RUBCN: variants seen among roughly 807,000 people sequenced by gnomAD.
RUBCN encodes rubicon autophagy regulator, also known as run domain Beclin-1-interacting and cysteine-rich domain-containing protein.
In RUBCN, 74 loss-of-function variants were observed where a neutral mutation model predicts 113.2. The ratio of observed to expected loss-of-function variants is 0.65; its 90% confidence interval spans 0.54 to 0.79. The LOEUF (loss-of-function observed/expected upper bound fraction) is 0.79, where lower values mean the gene tolerates loss of function less well. Ranked by LOEUF, RUBCN falls within the 30% of genes least tolerant of loss-of-function variation. The pLI is 0.00. For missense variants in RUBCN, 1,109 were observed against 1,251.7 expected (o/e 0.89, Z 1.72); for synonymous variants, 480 against 490.0 (o/e 0.98, Z 0.27).
At chr3:197,691,183 T>A in intron 11 of RUBCN, 4 of 1,068,146 alleles carry the variant, frequency 3.7e-6, no homozygotes, top group Non-Finnish European at 5.1e-6. Flanking sequence ...GGGCCCTTAG[T>A]ATTCCAGCAG....
At chr3:197,721,930 C>T (rs1726215228) in intron 1 of RUBCN, among the ~76,000 whole-genome samples, 1 of 152,026 alleles carries the variant, frequency 6.6e-6, no homozygotes, top group Non-Finnish European at 1.5e-5. Context: ...AGTTGTATTG[C>T]ACTGTAGTCA....
Position 197,682,571 on chromosome 3 carries a change from C to T in RUBCN, c.2025G>A (p.Gly675=), listed in dbSNP as rs1485006860. 6 of 1,614,022 alleles carry T rather than the reference C, an allele frequency of 3.7e-6. No individual in the cohort carries two copies. The highest frequency in any genetic ancestry group is 5.1e-6 in the Non-Finnish European group (6 of 1,180,028). Residue 675 remains glycine, a synonymous_variant, in exon 14 of 20, where the codon GGG becomes GGA. Coordinates refer to ENST00000296343, the MANE Select transcript of RUBCN (RefSeq NM_014687.4). ...GCAGCTTGTAGATGTCAGCGTGCTG[C>T]CCGTCATCCGGTGAGATGGGCAGTG... ...PDSLPISPDD[G]QHADIYKLRI...
chr3:197,741,393 A>T (rs753838499), upstream of RUBCN, among the ~76,000 whole-genome samples: 2 of 152,238 alleles, frequency 1.3e-5, no homozygotes, highest in Non-Finnish European at 2.9e-5. Context: ...AGGCATATAT[A>T]AAGCTTATAG....
rs747874086 is a variant in RUBCN at position 197,701,773 on chromosome 3, T to C, written c.662A>G (p.Tyr221Cys). 3.2e-5 allele frequency: 51 copies of C among 1,613,962 alleles called. No homozygotes were observed. Among genetic ancestry groups the C allele is most frequent in the Admixed American group, 6.7e-5 (4 of 59,992 alleles). ...PSSTYTPPNS[Y>C]AQHSYFGSFS... The stretch of plus-strand genomic sequence containing the variant: ...GGACCCAAAGTAGGAATGCTGAGCA[T>C]AGCTGTTTGGAGGGGTGTATGTGGA... The change falls in exon 6 of 20, where the codon TAT becomes TGT. Residue 221 changes from tyrosine (Y) to cysteine (C), a missense_variant. Physicochemically the swap from Tyr to Cys is radical, Grantham distance 194. This residue lies in a region of RUBCN where 736 missense variants were observed against 779.6 expected (regional missense o/e 0.94). Transcript: ENST00000296343.
At chr3:197,730,400 A>T (rs1727280536) in intron 1 of RUBCN, among the ~76,000 whole-genome samples, 1 of 152,130 alleles carries the variant, frequency 6.6e-6, no homozygotes, top group African/African-American at 2.4e-5. Flanking sequence ...CTGGGACTGC[A>T]TCTTTCTTGT....
chr3:197,732,744 C>G (rs1727663999), intron 1 of RUBCN, among the ~76,000 whole-genome samples: 1 of 152,188 alleles, frequency 6.6e-6, no homozygotes. Context: ...TAGGGAAGCC[C>G]ATCACCTAAG....
chr3:197,720,397 T>G (rs547354146), intron 1 of RUBCN, among the ~76,000 whole-genome samples: 4 of 152,218 alleles, frequency 2.6e-5, no homozygotes, highest in African/African-American at 9.6e-5. Flanking sequence ...CTTTAGCCAT[T>G]AATCTGTTGA....
chr3:197,679,450 G>A (rs1159722523), intron 16 of RUBCN, among the ~76,000 whole-genome samples: 2 of 146,178 alleles, frequency 1.4e-5, no homozygotes, highest in African/African-American at 2.6e-5. Context: ...ACTGTCCTAC[G>A]CTCTGACAAC....
intron 1 of RUBCN, among the ~76,000 whole-genome samples, chr3:197,722,719 T>C (rs1031321951): frequency 7.9e-5 from 12 of 152,034 alleles, no homozygotes; most frequent in Non-Finnish European, 1.6e-4. Context: ...CATAATGATA[T>C]TGACTCTTTT....
intron 8 of RUBCN, 66 bp from the exon 9 acceptor site, chr3:197,696,047 A>G (rs2108888873): frequency 4.1e-6 from 6 of 1,460,296 alleles, no homozygotes; most frequent in Admixed American, 1.7e-5. Flanking sequence ...TTTTGTCATT[A>G]AAGATGCTCC....
chr3:197,742,862 A>G (rs1198785284), intron 1 of RUBCN, among the ~76,000 whole-genome samples: 1 of 152,268 alleles, frequency 6.6e-6, no homozygotes, highest in Non-Finnish European at 1.5e-5. Flanking sequence ...AGTTTTATGT[A>G]AATGGGTGGA....
rs750021687 is a variant in RUBCN at position 197,683,412 on chromosome 3, A to AGACGT, written c.1870_1874dup (p.Ala626ArgfsTer11). 6.2e-7 allele frequency: 1 copy of AGACGT among 1,614,184 alleles called. No homozygotes were observed. Among genetic ancestry groups the AGACGT allele is most frequent in the South Asian group, 1.1e-5 (1 of 91,082 alleles). Reference sequence around the variant, plus strand: ...GGAGCCCCATGGCCACCGCCTCAGCAGACGTGGAGTGCAGGAAGCAGTGGG... The same window carrying AGACGT: ...GGAGCCCCATGGCCACCGCCTCAGCAGACGTGACGTGGAGTGCAGGAAGCAGTGGG... On this transcript the variant is annotated frameshift_variant, in exon 13 of 20. Transcript: ENST00000296343. LOFTEE classifies it high-confidence loss of function. This position sits in a 1 kb window ranked among gnomAD's most constrained non-coding sequence, Gnocchi z 4.6.
rs747080374 is a variant in RUBCN at position 197,704,650 on chromosome 3, G to A, written c.355C>T (p.Arg119Cys). ...DQSSADGASE[R>C]AVAELWLQHS... Reference sequence around the variant, plus strand: ...TGCAGCCACAGCTCGGCAACAGCACGTTCACTGGCACCATCAGCACTGCTC... The same window carrying A: ...TGCAGCCACAGCTCGGCAACAGCACATTCACTGGCACCATCAGCACTGCTC... The change falls in exon 4 of 20, where the codon CGT becomes TGT. Residue 119 changes from arginine (R) to cysteine (C), a missense_variant. This residue lies in a region of RUBCN where 736 missense variants were observed against 779.6 expected (regional missense o/e 0.94). Coordinates refer to ENST00000296343, the MANE Select transcript of RUBCN (RefSeq NM_014687.4). 1.2e-5 allele frequency: 19 copies of A among 1,614,046 alleles called. No homozygotes were observed. In the East Asian group the frequency reaches 1.8e-4, roughly 15 times the overall value.
chr3:197,677,162 G>C, intron 17 of RUBCN, 124 bp from the exon 18 acceptor site: 2 of 1,065,434 alleles, frequency 1.9e-6, no homozygotes, highest in Non-Finnish European at 2.8e-6. Flanking sequence ...CCAGCCCAAG[G>C]TTCCAGGCCG....
chr3:197,705,709 G>C (rs1381524030), intron 2 of RUBCN, among the ~76,000 whole-genome samples: 4 of 151,084 alleles, frequency 2.6e-5, no homozygotes, highest in Non-Finnish European at 4.4e-5. Context: ...TGACATACAA[G>C]GTATACAGTA....
At chr3:197,743,554 A>C (rs1250225424) in intron 1 of RUBCN, among the ~76,000 whole-genome samples, 1 of 152,244 alleles carries the variant, frequency 6.6e-6, no homozygotes, top group Non-Finnish European at 1.5e-5. Flanking sequence ...AGCTACAGCA[A>C]AGTGGCAAAG....
intron 1 of RUBCN, chr3:197,748,285 G>A (rs1358743482): frequency 6.6e-6 from 1 of 152,084 alleles, no homozygotes; most frequent in Non-Finnish European, 1.5e-5. Context: ...CAGGGTGAGA[G>A]AGTAGTAAAA....
chr3:197,729,460 G>A (rs1017738407), intron 1 of RUBCN, among the ~76,000 whole-genome samples: 18 of 152,010 alleles, frequency 1.2e-4, no homozygotes, highest in Non-Finnish European at 2.4e-4. Context: ...TCACCATGTT[G>A]GCCAGGATGG....
chr3:197,700,960 G>C lies in RUBCN; in HGVS notation c.914C>G (p.Ala305Gly). The change falls in exon 7 of 20, where the codon GCA becomes GGA. Residue 305 changes from alanine to glycine, a missense_variant. Coordinates refer to ENST00000296343, the MANE Select transcript of RUBCN (RefSeq NM_014687.4). ...SSSTLTSPIE[A>G]SWVSSQNDSP... ...ATCATTCTGGCTGCTGACCCAGGAT[G>C]CCTCTATGGGGCTGGTCAGAGTACT... 6.2e-7 allele frequency: 1 copy of C among 1,614,220 alleles called. No homozygotes were observed. Among genetic ancestry groups the C allele is most frequent in the Non-Finnish European group, 8.5e-7 (1 of 1,180,040 alleles).
Sources: gnomAD v4.1 joint callset for allele counts (sites outside exome capture counted in the v4.1 genomes callset) on GRCh38, gnomAD v4.1.1 for gene constraint, gnomAD v4.1.1 regional missense constraint, Gnocchi (gnomAD v3.1) non-coding constraint, MANE v1.5 for transcripts, NCBI Gene and HGNC (gene_info 2026-07-23, HGNC 2026-07-21) for gene names.